Variants in PTPRD observed in about 807,000 individuals in gnomAD.
PTPRD encodes the protein receptor-type tyrosine-protein phosphatase delta.
Under a neutral mutation model 214.5 loss-of-function variants are expected in PTPRD, and 34 were observed. The observed-to-expected ratio is 0.16, with a 90% CI of 0.12 to 0.21. The LOEUF is 0.21. Among genes scored for constraint, PTPRD ranks in the 10% least tolerant of loss-of-function variants. PTPRD has a pLI of 1.00. For synonymous variants in PTPRD, 1,128 were observed against 845.7 expected (o/e 1.33, Z -5.79); for missense variants, 2,545 against 2,398.7 (o/e 1.06, Z -1.27).
At chr9:10,473,813 T>A (rs2099046228) in intron 2 of PTPRD, among the ~76,000 whole-genome samples, 1 of 152,112 alleles carries the variant, frequency 6.6e-6, no homozygotes, top group Non-Finnish European at 1.5e-5. Context: ...TGGATCATTA[T>A]AAATTATTGC....
chr9:10,500,086 A>C (rs2043207438), intron 2 of PTPRD, among the ~76,000 whole-genome samples: 1 of 151,850 alleles, frequency 6.6e-6, no homozygotes, highest in Admixed American at 6.6e-5. Flanking sequence ...TCAAATATAT[A>C]CATTTCTACT....
intron 9 of PTPRD, among the ~76,000 whole-genome samples, chr9:9,262,992 C>T (rs995668644): frequency 6.6e-6 from 1 of 151,536 alleles, no homozygotes; most frequent in Non-Finnish European, 1.5e-5. Flanking sequence ...ACATCTGATA[C>T]ATATAATAAT....
chr9:10,537,326 A>C (rs1423293554), intron 2 of PTPRD, among the ~76,000 whole-genome samples: 1 of 152,126 alleles, frequency 6.6e-6, no homozygotes, highest in Non-Finnish European at 1.5e-5. Context: ...TTAATTCCAA[A>C]TTCTGTTAAT....
chr9:10,272,242 T>C (rs1028002425), intron 3 of PTPRD, among the ~76,000 whole-genome samples: 3 of 152,232 alleles, frequency 2.0e-5, no homozygotes, highest in African/African-American at 4.8e-5. Context: ...TCGCTTAACA[T>C]AATGTTTTCA....
At chr9:10,406,524 C>T (rs1176822663) in intron 2 of PTPRD, among the ~76,000 whole-genome samples, 3 of 151,448 alleles carry the variant, frequency 2.0e-5, no homozygotes, top group Non-Finnish European at 4.4e-5. Flanking sequence ...ATCCATACCC[C>T]ACAGAGCAAG....
chr9:10,176,563 C>T (rs2099249834), intron 3 of PTPRD, among the ~76,000 whole-genome samples: 1 of 151,880 alleles, frequency 6.6e-6, no homozygotes, highest in African/African-American at 2.4e-5. Flanking sequence ...TTGACAGTCA[C>T]ATAGTAAAAG....
chr9:8,349,289 A>T (rs537824698), intron 39 of PTPRD, among the ~76,000 whole-genome samples: 48 of 152,290 alleles, frequency 3.2e-4, no homozygotes, highest in African/African-American at 1.1e-3. Context: ...AATGTTGAAA[A>T]TTCAGAGCTT....
chr9:9,836,808 A>G (rs769014776), intron 5 of PTPRD, among the ~76,000 whole-genome samples: 91 of 152,298 alleles, frequency 6.0e-4, no homozygotes, highest in Admixed American at 1.8e-3. Context: ...ACTATATGTA[A>G]AACACTTAGA....
intron 42 of PTPRD, 132 bp from the exon 43 acceptor site, chr9:8,339,179 A>G (rs1043693527): frequency 1.1e-6 from 1 of 902,130 alleles, no homozygotes; most frequent in Non-Finnish European, 1.6e-6. Context: ...GGCAATTCCA[A>G]TTGCATATGA....
In PTPRD at chr9:8,733,845, C is replaced by A. The variant is rs2098688195; in HGVS notation, c.-2G>T. On this transcript the variant is annotated 5_prime_UTR_variant, in exon 12 of 46. The change creates a new upstream start codon in the 5' untranslated region. Transcript: ENST00000381196. ...CAGCAGCCTGGCTACGTGCACCATCCTGCAGCTTGGCAGCAGCGTGCGCGA... is the reference window on the plus strand; with the variant it reads ...CAGCAGCCTGGCTACGTGCACCATCATGCAGCTTGGCAGCAGCGTGCGCGA... 1 of 1,551,206 alleles carries A rather than the reference C, an allele frequency of 6.4e-7. No homozygotes were observed. The highest frequency in any genetic ancestry group is 8.7e-7 in the Non-Finnish European group (1 of 1,147,098).
At chr9:10,471,146 G>A (rs899888860) in intron 2 of PTPRD, among the ~76,000 whole-genome samples, 1 of 103,956 alleles carries the variant, frequency 9.6e-6, no homozygotes, top group Admixed American at 1.2e-4. Context: ...GGCCTGTTGT[G>A]GGTTGGGGGC....
At chr9:9,169,609 A>AT (rs1314914070) in intron 10 of PTPRD, among the ~76,000 whole-genome samples, 1 of 152,168 alleles carries the variant, frequency 6.6e-6, no homozygotes, top group African/African-American at 2.4e-5. Context: ...GGTGATACAC[A>AT]TAGGCAGCTT....
chr9:9,088,597 AAAAAAAAAAAAAG>A (rs1172075039), intron 10 of PTPRD, among the ~76,000 whole-genome samples: 1 of 149,590 alleles, frequency 6.7e-6, no homozygotes, highest in African/African-American at 2.4e-5. Flanking sequence ...AAAAAAAAAA[AAAAAAAAAAAAAG>A]AAGTCTGGCT....
chr9:9,696,097 A>C (rs1240869777), intron 7 of PTPRD, among the ~76,000 whole-genome samples: 1 of 151,976 alleles, frequency 6.6e-6, no homozygotes, highest in Non-Finnish European at 1.5e-5. Context: ...CCAGTTTTCT[A>C]TTTCTTCAAG....
chr9:10,239,031 G>T (rs2099638167), intron 3 of PTPRD, among the ~76,000 whole-genome samples: 1 of 151,850 alleles, frequency 6.6e-6, no homozygotes, highest in Non-Finnish European at 1.5e-5. Flanking sequence ...TGGGCAACAA[G>T]GGGAAAAAGA....
chr9:8,943,073 C>A (rs11792662), intron 11 of PTPRD, among the ~76,000 whole-genome samples: 1 of 151,656 alleles, frequency 6.6e-6, no homozygotes, highest in East Asian at 1.9e-4. Context: ...AGGAATTAAC[C>A]AAAGAAATGA....
At chr9:8,370,188 T>C (rs958468349) in intron 39 of PTPRD, among the ~76,000 whole-genome samples, 2 of 149,212 alleles carry the variant, frequency 1.3e-5, no homozygotes, top group Non-Finnish European at 2.9e-5. Context: ...TCTCTATTCA[T>C]GCACTGCACA....
In PTPRD at chr9:10,018,364, T is replaced by C. The variant is rs146075341; in HGVS notation, c.-472+15354A>G. On this transcript the variant is annotated intron_variant, in intron 4 of 45. Transcript: ENST00000381196. Reference sequence around the variant, plus strand: ...CAGATACAGGCAGACTTTCTCAGTGTATCTGTCAGTTTCAGAGCTTTCTTA... The same window carrying C: ...CAGATACAGGCAGACTTTCTCAGTGCATCTGTCAGTTTCAGAGCTTTCTTA... Among the ~76,000 whole-genome samples the C allele has an allele frequency of 5.1e-3, 779 of 152,244 alleles. 4 individuals are homozygous for C. The highest frequency in any genetic ancestry group is 8.1e-3 in the Non-Finnish European group (552 of 68,012).
chr9:9,106,693 T>A (rs937034877), intron 10 of PTPRD, among the ~76,000 whole-genome samples: 2 of 151,694 alleles, frequency 1.3e-5, no homozygotes, highest in African/African-American at 4.8e-5. Context: ...CCAATAGAAT[T>A]TAAGAAATAT....
Sources: allele counts gnomAD v4.1 joint callset (sites outside exome capture counted in the v4.1 genomes callset), GRCh38; gene constraint gnomAD v4.1.1; transcripts MANE v1.5; gene names NCBI Gene and HGNC (gene_info 2026-07-23, HGNC 2026-07-21).